The following ITLN2 variants were observed in gnomAD, a reference collection of about 807,000 sequenced individuals.
ITLN2 encodes the protein intelectin 2, also known as intelectin-2.
Under a neutral mutation model 39.4 loss-of-function variants are expected in ITLN2, and 29 were observed. The ratio of observed to expected loss-of-function variants is 0.74; its 90% CI spans 0.55 to 1.00. The LOEUF (loss-of-function observed/expected upper bound fraction) is 1.00. ITLN2 is among the 50% of genes least tolerant of loss of function. The pLI is 0.00. For synonymous variants in ITLN2, 156 were observed against 153.4 expected, an observed-to-expected ratio of 1.02 and a Z score of -0.12; for missense variants, 412 against 416.7, an observed-to-expected ratio of 0.99 and a Z score of 0.10.
At position 160,951,251 on chromosome 1, in the gene ITLN2, T is replaced by G; in HGVS notation, c.233A>C (p.Tyr78Ser). Reference sequence around the variant, plus strand: ...AGAAGTCATGTCACAGAAGGTCTGGTAGACAACACCATTCTTGGTGCGGAG... The same window carrying G: ...AGAAGTCATGTCACAGAAGGTCTGGGAGACAACACCATTCTTGGTGCGGAG... ...YFLRTKNGVV[Y>S]QTFCDMTSGG... is the part of the protein sequence containing the mutation. The change falls in exon 4 of 8, where the codon TAC becomes TCC. Residue 78 changes from tyrosine to serine, a missense_variant. By Grantham distance (144) the Tyr-to-Ser change is moderately radical (BLOSUM62 -2). Transcript: ENST00000368029. The G allele has an allele frequency of 1.9e-6, 3 of 1,606,616 alleles. No homozygotes were observed. The highest frequency in any genetic ancestry group is 2.6e-6 in the Non-Finnish European group (3 of 1,175,826).
At chr1:160,952,827 C>T (rs958837703) in intron 2 of ITLN2, 94 bp from the exon 3 acceptor site, 2 of 883,658 alleles carry the variant, frequency 2.3e-6, no homozygotes, top group Non-Finnish European at 3.7e-6. Flanking sequence ...CATCACTCTG[C>T]TCTGAAGTCC....
chr1:160,950,078 T>C lies in ITLN2; in HGVS notation c.689A>G (p.Lys230Arg), dbSNP rs1398085135. Residue 230 changes from lysine (K) to arginine (R), a missense_variant, in exon 6 of 8, where the codon AAG (lysine) becomes AGG (arginine). Transcript: ENST00000368029. ...PVVYDFGDAKKTASYYSPYGQ... is the reference protein window; with the variant it reads ...PVVYDFGDAKRTASYYSPYGQ... ...ATACGGTGAGTAATAAGATGCAGTC[T>C]TCTTAGCATCACCAAAGTCATAGAC... The C allele has an allele frequency of 1.2e-6, 2 of 1,614,022 alleles. No homozygotes were observed. Among genetic ancestry groups the C allele is most frequent in the Non-Finnish European group, 8.5e-7 (1 of 1,179,886 alleles).
intron 2 of ITLN2, 140 bp downstream of exon 2, chr1:160,954,247 C>G: frequency 1.5e-6 from 1 of 671,048 alleles, no homozygotes; most frequent in Non-Finnish European, 2.5e-6. Flanking sequence ...AGTTGGCTGC[C>G]TAGCCTGGGT....
chr1:160,949,321 A>G (rs1671681812), intron 6 of ITLN2: 1 of 152,222 alleles, frequency 6.6e-6, no homozygotes, highest in African/African-American at 2.4e-5. Context: ...TCTTATCTCA[A>G]CTGCAAAGAG....
intron 1 of ITLN2, 73 bp from the exon 2 acceptor site, chr1:160,954,523 C>T (rs1359907434): frequency 1.5e-6 from 2 of 1,352,720 alleles, no homozygotes; most frequent in Admixed American, 2.0e-5. Flanking sequence ...TACTTCCTAA[C>T]CTTTCTGAGT....
In ITLN2 at chr1:160,950,583, T is replaced by A. The variant is rs749847903; in HGVS notation, c.570A>T (p.Arg190Ser). ...RYRTNTGFLQRLGHNLFGIYQ... is the reference protein window; with the variant it reads ...RYRTNTGFLQSLGHNLFGIYQ... ...AGATGCCAAACAGATTATGTCCCAG[T>A]CTCTGGAGGAAGCCAGTGTTGGTGC... The change falls in exon 5 of 8, where the codon AGA (arginine) becomes AGT (serine). Residue 190 changes from arginine to serine, a missense_variant. By Grantham distance (110) the Arg-to-Ser change is moderately radical (BLOSUM62 -1). Coordinates refer to ENST00000368029, the MANE Select transcript of ITLN2 (RefSeq NM_080878.3). 1 of 1,614,158 alleles carries A rather than the reference T, an allele frequency of 6.2e-7. No homozygotes were observed. The highest frequency in any genetic ancestry group is 1.3e-5 in the African/African-American group (1 of 75,050).
chr1:160,952,583 C>T (rs977807622), intron 3 of ITLN2, 37 bp downstream of exon 3: 2 of 1,467,250 alleles, frequency 1.4e-6, no homozygotes, highest in Non-Finnish European at 1.9e-6. Context: ...TAAAAAGTGG[C>T]TTCAAAGAGA....
intron 7 of ITLN2, among the ~76,000 whole-genome samples, chr1:160,946,483 G>A (rs954485317): frequency 3.9e-5 from 6 of 151,984 alleles, no homozygotes; most frequent in South Asian, 4.1e-4. Context: ...AGGCCGAGAC[G>A]GGCGGATCAC....
intron 6 of ITLN2, chr1:160,948,682 A>G (rs1450730924): frequency 7.0e-6 from 1 of 143,274 alleles, no homozygotes; most frequent in Non-Finnish European, 1.5e-5. Flanking sequence ...GCTGGAGTGC[A>G]GTGGTGTGAA....
chr1:160,948,115 C>T, intron 6 of ITLN2, 83 bp from the exon 7 acceptor site: 1 of 1,125,150 alleles, frequency 8.9e-7, no homozygotes, highest in Non-Finnish European at 1.3e-6. Context: ...CCAGGGATTC[C>T]CTAAGCCAAA....
chr1:160,954,523 C>A (rs1359907434), intron 1 of ITLN2, 73 bp from the exon 2 acceptor site: 4 of 1,352,838 alleles, frequency 3.0e-6, no homozygotes, highest in South Asian at 2.5e-5. Context: ...TACTTCCTAA[C>A]CTTTCTGAGT....
Position 160,954,377 on chromosome 1 carries a change from A to C in ITLN2, c.79+10T>G. 6.4e-7 allele frequency: 1 copy of C among 1,562,070 alleles called. No individual in the cohort carries two copies. The highest frequency in any genetic ancestry group is 1.2e-5 in the South Asian group (1 of 85,044). On this transcript the variant is annotated intron_variant, in intron 2 of 7. Transcript: ENST00000368029. ...GGAAACTGCAGCTCCTACTCTCAGA[A>C]GCCATTTACCTGCACTGCACCCACT...
rs1245428851 is a variant in ITLN2 at position 160,954,385 on chromosome 1, A to G, written c.79+2T>C. 2 of 1,568,170 alleles carry G rather than the reference A, an allele frequency of 1.3e-6. No individual in the cohort carries two copies. Among genetic ancestry groups the G allele is most frequent in the South Asian group, 2.3e-5 (2 of 85,366 alleles). On this transcript the variant is annotated splice_donor_variant, in intron 2 of 7. Coordinates refer to ENST00000368029, the MANE Select transcript of ITLN2 (RefSeq NM_080878.3). LOFTEE classifies it high-confidence loss of function. ...CAGCTCCTACTCTCAGAAGCCATTT[A>G]CCTGCACTGCACCCACTGGTGGCCA...
chr1:160,948,015 A>G lies in ITLN2; in HGVS notation c.739T>C (p.Phe247Leu). Residue 247 changes from phenylalanine to leucine, a missense_variant, in exon 7 of 8, where the codon TTC (phenylalanine) becomes CTC (leucine). Transcript: ENST00000368029. ...TTATTAAACACCCGGAACTGAACGA[A>G]TCCTGCAACAAATTCCCCTGAAAAA... is the stretch of plus-strand genomic sequence containing the variant. Reference protein sequence around the residue: ...PYGQREFVAGFVQFRVFNNER... With the variant: ...PYGQREFVAGLVQFRVFNNER... The G allele has an allele frequency of 6.2e-7, 1 of 1,614,068 alleles. No individual in the cohort carries two copies. Among genetic ancestry groups the G allele is most frequent in the Non-Finnish European group, 8.5e-7 (1 of 1,179,924 alleles).
intron 6 of ITLN2, chr1:160,949,271 A>T (rs577093744): frequency 6.6e-6 from 1 of 152,212 alleles, no homozygotes; most frequent in South Asian, 2.1e-4. Context: ...ACACCAAAAC[A>T]TTCCATTGCC....
At position 160,950,832 on chromosome 1, in the gene ITLN2, C is replaced by T. The variant is rs1028475502; in HGVS notation, c.442-121G>A. On this transcript the variant is annotated intron_variant, in intron 4 of 7. Transcript: ENST00000368029. ...ATCAGTAGGCAGATGGCCAGCCACG[C>T]TCAGACACCCCACTCCCAGCTGATG... 2.7e-6 allele frequency: 4 copies of T among 1,481,758 alleles called. No individual in the cohort carries two copies. In the African/African-American group the frequency reaches 4.2e-5, roughly 15 times the overall value. The allele number at this position is 1,481,758 out of a possible 1,614,324, so 91.8% of individuals were successfully genotyped here. A position where few individuals can be genotyped will look rare whatever the true frequency, so the allele number is the denominator to read the frequency against.
At chr1:160,951,815 C>G (rs74126650) in intron 3 of ITLN2, among the ~76,000 whole-genome samples, 2,884 of 152,300 alleles carry the variant, frequency 0.019, 96 homozygotes, top group African/African-American at 0.066. Context: ...TGGTCTTCCC[C>G]AAACATGGAA....
intron 1 of ITLN2, 95 bp downstream of exon 1, chr1:160,954,632 A>G (rs1671822476): frequency 1.4e-6 from 2 of 1,462,432 alleles, no homozygotes; most frequent in South Asian, 2.3e-5. Context: ...CCAAGGGGCC[A>G]TGGGCTCATT....
Position 160,954,773 on chromosome 1 carries a change from T to C in ITLN2, c.-32A>G. 6.8e-6 allele frequency: 11 copies of C among 1,613,072 alleles called. No homozygotes were observed. The South Asian group carries it at 1.2e-4, about 18-fold the overall frequency. ...AGATGCCAGGAGCTGATAGTTCCCTTCCTGTGGACACTCGGAGCTCCCCTG... is the reference window on the plus strand; with the variant it reads ...AGATGCCAGGAGCTGATAGTTCCCTCCCTGTGGACACTCGGAGCTCCCCTG... On this transcript the variant is annotated 5_prime_UTR_variant, in exon 1 of 8. Coordinates refer to ENST00000368029, the MANE Select transcript of ITLN2 (RefSeq NM_080878.3).
Sources: gnomAD v4.1 joint callset for allele counts (sites outside exome capture counted in the v4.1 genomes callset) on GRCh38, gnomAD v4.1.1 for gene constraint, MANE v1.5 for transcripts, NCBI Gene and HGNC (gene_info 2026-07-23, HGNC 2026-07-21) for gene names.